Variants in SLC10A7 observed in about 807,000 individuals in gnomAD.
The protein encoded by SLC10A7 is solute carrier family 10 member 7.
Under a neutral mutation model 43.2 loss-of-function variants are expected in SLC10A7, and 29 were observed. The ratio of observed to expected loss-of-function variants is 0.67; its 90% CI spans 0.50 to 0.92. SLC10A7 has a LOEUF of 0.92. Among genes scored for constraint, SLC10A7 ranks in the 40% least tolerant of loss-of-function variants. The pLI is 0.00. For synonymous variants in SLC10A7, 152 were observed against 144.8 expected (o/e 1.05, Z -0.35); for missense variants, 295 against 403.2 (o/e 0.73, Z 2.30).
chr4:146,289,706 GTTTTTTTTT>G (rs776153195), intron 9 of SLC10A7, among the ~76,000 whole-genome samples: 4 of 88,090 alleles, frequency 4.5e-5, no homozygotes, highest in Admixed American at 1.2e-4. Flanking sequence ...CTGATTATTA[GTTTTTTTTT>G]TTTTTTTTTT....
chr4:146,510,164 T>A, intron 2 of SLC10A7, 115 bp from the exon 3 acceptor site: 1 of 904,420 alleles, frequency 1.1e-6, no homozygotes. Context: ...TTTTCATAGC[T>A]AAAATTTTTA....
chr4:146,512,807 T>C (rs1737602576), intron 2 of SLC10A7, among the ~76,000 whole-genome samples: 1 of 152,228 alleles, frequency 6.6e-6, no homozygotes, highest in Non-Finnish European at 1.5e-5. Context: ...AATATATTTT[T>C]ATCCTTTGCA....
chr4:146,433,761 G>T (rs1210207482), intron 5 of SLC10A7, among the ~76,000 whole-genome samples: 2 of 152,076 alleles, frequency 1.3e-5, no homozygotes, highest in Non-Finnish European at 2.9e-5. Context: ...GTTGAGGTGG[G>T]AGGATCTCTT....
intron 5 of SLC10A7, among the ~76,000 whole-genome samples, chr4:146,410,338 A>G (rs1163895210): frequency 6.6e-6 from 1 of 152,142 alleles, no homozygotes; most frequent in East Asian, 1.9e-4. Context: ...AAAACTGACA[A>G]AAAGTCTATA....
Position 146,488,730 on chromosome 4 carries a change from G to A in SLC10A7, c.396+15119C>T, listed in dbSNP as rs567062791. On this transcript the variant is annotated intron_variant, in intron 4 of 11. Coordinates refer to ENST00000335472, the MANE Select transcript of SLC10A7 (RefSeq NM_001029998.6). ...CTACCACAAGACTGTGGCTGTTAAA[G>A]CTTAGACAAAGCAGAATAGGCGTGA... Among the ~76,000 whole-genome samples the A allele has an allele frequency of 5.3e-5, 8 of 152,274 alleles. No individual in the cohort carries two copies. In the South Asian group the frequency reaches 1.5e-3, roughly 28 times the overall value.
At chr4:146,284,873 C>T (rs1051037220) in intron 9 of SLC10A7, among the ~76,000 whole-genome samples, 1 of 152,036 alleles carries the variant, frequency 6.6e-6, no homozygotes, top group African/African-American at 2.4e-5. Context: ...GCACTACAGA[C>T]ATACATGAGA....
At chr4:146,386,682 G>A (rs560749039) in intron 5 of SLC10A7, among the ~76,000 whole-genome samples, 15 of 151,674 alleles carry the variant, frequency 9.9e-5, no homozygotes, top group Admixed American at 9.2e-4. Flanking sequence ...TACTGTTATC[G>A]GCCATATGTC....
In SLC10A7 at chr4:146,336,073, G is replaced by T. The variant is rs78121215; in HGVS notation, c.436-10077C>A. Reference sequence around the variant, plus strand: ...ATTAAAATTTTAAAAAATGGATTTAGATTCTAGAGCAGAGGTTGGCAAACT... The same window carrying T: ...ATTAAAATTTTAAAAAATGGATTTATATTCTAGAGCAGAGGTTGGCAAACT... On this transcript the variant is annotated intron_variant, in intron 5 of 11. Transcript: ENST00000335472. 7.1e-3 allele frequency among the ~76,000 whole-genome samples: 1,086 copies of T among 152,194 alleles called. 8 individuals are homozygous for T. Among genetic ancestry groups the T allele is most frequent in the African/African-American group, 0.023 (966 of 41,532 alleles).
chr4:146,327,582 G>A (rs1733222902), intron 5 of SLC10A7, among the ~76,000 whole-genome samples: 1 of 152,202 alleles, frequency 6.6e-6, no homozygotes, highest in Non-Finnish European at 1.5e-5. Flanking sequence ...AAGCAGATTT[G>A]TTTAAACATA....
At chr4:146,404,246 C>T (rs1739418412) in intron 5 of SLC10A7, among the ~76,000 whole-genome samples, 1 of 152,104 alleles carries the variant, frequency 6.6e-6, no homozygotes, top group Non-Finnish European at 1.5e-5. Flanking sequence ...TCTCAAACTC[C>T]TGGACTCCAG....
At chr4:146,433,235 C>CA (rs914937328) in intron 5 of SLC10A7, among the ~76,000 whole-genome samples, 2 of 146,298 alleles carry the variant, frequency 1.4e-5, no homozygotes, top group African/African-American at 5.0e-5. Context: ...GATCTCAGCT[C>CA]ACTGCAACCT....
At chr4:146,467,472 CACACA>C (rs1733134204) in intron 4 of SLC10A7, among the ~76,000 whole-genome samples, 1 of 150,938 alleles carries the variant, frequency 6.6e-6, no homozygotes, top group African/African-American at 2.4e-5. Context: ...CACACACACA[CACACA>C]CACACACACA....
intron 3 of SLC10A7, among the ~76,000 whole-genome samples, chr4:146,504,301 C>T (rs1051676187): frequency 3.3e-5 from 5 of 151,902 alleles, no homozygotes; most frequent in Admixed American, 2.6e-4. Context: ...GGGCAGATCA[C>T]GAGGTCAGGA....
At chr4:146,450,892 A>G (rs533777701) in intron 4 of SLC10A7, among the ~76,000 whole-genome samples, 2 of 152,252 alleles carry the variant, frequency 1.3e-5, no homozygotes, top group Admixed American at 1.3e-4. Flanking sequence ...ATTACCAGAT[A>G]ACACAACCTC....
intron 7 of SLC10A7, among the ~76,000 whole-genome samples, chr4:146,301,220 A>G (rs929445631): frequency 6.6e-6 from 1 of 152,218 alleles, no homozygotes; most frequent in African/African-American, 2.4e-5. Context: ...AGGTCACAGC[A>G]GGCAGGCGTC....
At chr4:146,311,751 G>A (rs1370747471) in intron 6 of SLC10A7, among the ~76,000 whole-genome samples, 1 of 152,048 alleles carries the variant, frequency 6.6e-6, no homozygotes, top group Non-Finnish European at 1.5e-5. Flanking sequence ...CAGCCCTGGG[G>A]AAAGGGAAAG....
intron 5 of SLC10A7, among the ~76,000 whole-genome samples, chr4:146,363,702 T>C (rs1197343944): frequency 6.6e-6 from 1 of 152,054 alleles, no homozygotes; most frequent in Non-Finnish European, 1.5e-5. Context: ...AAAGAGGAAC[T>C]TGGAAACTAG....
At position 146,447,067 on chromosome 4, in the gene SLC10A7, A is replaced by G. The variant is rs6844473; in HGVS notation, c.397-4246T>C. On this transcript the variant is annotated intron_variant, in intron 4 of 11. Transcript: ENST00000335472. ...CTTCAGACTCCCATCCACCCCATTC[A>G]ATACAAGAATTTCCTTCACATCGTT... 6.8e-3 allele frequency among the ~76,000 whole-genome samples: 1,037 copies of G among 152,240 alleles called. 6 individuals carry two copies. Among genetic ancestry groups the G allele is most frequent in the Non-Finnish European group, 0.012 (807 of 68,024 alleles).
intron 4 of SLC10A7, among the ~76,000 whole-genome samples, chr4:146,495,352 T>A (rs973122301): frequency 1.3e-5 from 2 of 152,194 alleles, no homozygotes; most frequent in Admixed American, 6.5e-5. Flanking sequence ...TTTTCACTCC[T>A]AGTCCTCTCT....
Sources: allele counts gnomAD v4.1 joint callset (sites outside exome capture counted in the v4.1 genomes callset), GRCh38; gene constraint gnomAD v4.1.1; transcripts MANE v1.5; gene names NCBI Gene and HGNC (gene_info 2026-07-23, HGNC 2026-07-21).